CASQ2: variants seen among roughly 807,000 people sequenced by gnomAD.
The protein encoded by CASQ2 is calsequestrin 2.
A neutral mutation model predicts 46.5 loss-of-function variants in CASQ2; 49 were observed. That is an observed-to-expected ratio of 1.05 (90% confidence interval 0.84 to 1.34). CASQ2 has a LOEUF of 1.34. Among genes scored for constraint, CASQ2 ranks in the 40% most tolerant of loss-of-function variants. The probability of loss-of-function intolerance (pLI) is 0.00; values close to 1 mark genes in which losing one functional copy is unlikely to be tolerated. For synonymous variants in CASQ2, 174 were observed against 168.5 expected (o/e 1.03, Z -0.25); for missense variants, 486 against 481.3 (o/e 1.01, Z -0.09).
Position 115,757,604 on chromosome 1 carries a change from C to T in CASQ2, c.234+10704G>A, listed in dbSNP as rs140420353. ...CTCTTGGGGTTTGGAAATGCAACCA[C>T]CACTGGGATATTTGCCAGTGCTAAA... On this transcript the variant is annotated intron_variant, in intron 1 of 10. Coordinates refer to ENST00000261448, the MANE Select transcript of CASQ2 (RefSeq NM_001232.4). Among the ~76,000 whole-genome samples, 307 of 152,294 alleles carry T rather than the reference C, an allele frequency of 2.0e-3. 2 individuals carry two copies. Among genetic ancestry groups the T allele is most frequent in the South Asian group, 8.9e-3 (43 of 4,822 alleles).
chr1:115,723,321 C>CTATCTATCTA (rs1230245457), intron 7 of CASQ2, among the ~76,000 whole-genome samples: 1 of 151,780 alleles, frequency 6.6e-6, no homozygotes, highest in African/African-American at 2.4e-5. Flanking sequence ...ATCTATCTAT[C>CTATCTATCTA]TATCTATCTA....
chr1:115,743,703 T>C lies in CASQ2; in HGVS notation c.319+1125A>G, dbSNP rs7529016. Among the ~76,000 whole-genome samples, 1,350 of 136,350 alleles carry C rather than the reference T, an allele frequency of 9.9e-3. 19 individuals are homozygous for C. The highest frequency in any genetic ancestry group is 0.032 in the African/African-American group (1,254 of 39,348). 89.5% of individuals were successfully genotyped at this position (136,350 alleles called of 152,430 possible). ...CCACCACTAATCTTTTTTTTTTTTT[T>C]TCTGTACTTACTACTCCAAATCCAA... On this transcript the variant is annotated intron_variant, in intron 2 of 10. Transcript: ENST00000261448.
intron 1 of CASQ2, among the ~76,000 whole-genome samples, chr1:115,751,458 G>A (rs1040098481): frequency 6.6e-6 from 1 of 151,930 alleles, no homozygotes; most frequent in Non-Finnish European, 1.5e-5. Flanking sequence ...CACGAGGTCA[G>A]GAGATAGAGA....
intron 6 of CASQ2, among the ~76,000 whole-genome samples, chr1:115,725,863 C>T (rs539410508): frequency 1.3e-5 from 2 of 152,294 alleles, no homozygotes; most frequent in East Asian, 3.9e-4. Context: ...GATGCCATTT[C>T]CTTCCTCACA....
At chr1:115,736,707 T>C (rs1391584851) in intron 4 of CASQ2, among the ~76,000 whole-genome samples, 1 of 152,170 alleles carries the variant, frequency 6.6e-6, no homozygotes, top group Non-Finnish European at 1.5e-5. Context: ...TTGGAGGTTT[T>C]TTACAATGCA....
In CASQ2 at chr1:115,751,755, G is replaced by A. The variant is rs929946976; in HGVS notation, c.235-6843C>T. Among the ~76,000 whole-genome samples, 6 of 152,200 alleles carry A rather than the reference G, an allele frequency of 3.9e-5. No individual in the cohort carries two copies. The South Asian group carries it at 1.0e-3, about 26-fold the overall frequency. On this transcript the variant is annotated intron_variant, in intron 1 of 10. Coordinates refer to ENST00000261448, the MANE Select transcript of CASQ2 (RefSeq NM_001232.4). ...GGAGACTTAGAGAGTTTGTGGGCTG[G>A]GAGGTCAAATCCTGCAGAGCCCAGT...
intron 9 of CASQ2, among the ~76,000 whole-genome samples, chr1:115,703,239 G>C (rs1412099302): frequency 6.6e-6 from 1 of 152,226 alleles, no homozygotes; most frequent in Admixed American, 6.5e-5. Flanking sequence ...GAAAATTATA[G>C]AGGTGGTCTA....
In CASQ2 at chr1:115,768,590, G is replaced by C. The variant is rs763771500; in HGVS notation, c.-49C>G. 8.4e-7 allele frequency: 1 copy of C among 1,189,064 alleles called. No homozygotes were observed. 73.7% of individuals were successfully genotyped at this position (1,189,064 alleles called of 1,614,324 possible). ...TCCCAAATATGCTGTGTGCAGAATAGAGGACAGAAGACTGTTAGAGGCCTT... is the reference window on the plus strand; with the variant it reads ...TCCCAAATATGCTGTGTGCAGAATACAGGACAGAAGACTGTTAGAGGCCTT... On this transcript the variant is annotated 5_prime_UTR_variant, in exon 1 of 11. Transcript: ENST00000261448.
intron 3 of CASQ2, 125 bp from the exon 4 acceptor site, chr1:115,738,460 A>G: frequency 1.3e-6 from 1 of 747,152 alleles, no homozygotes; most frequent in Non-Finnish European, 2.4e-6. Flanking sequence ...TATCTATTCC[A>G]TTCTCCCCAC....
At chr1:115,738,464 T>C in intron 3 of CASQ2, 129 bp from the exon 4 acceptor site, 1 of 732,272 alleles carries the variant, frequency 1.4e-6, no homozygotes, top group Non-Finnish European at 2.5e-6. Context: ...TATTCCATTC[T>C]CCCCACAATC....
chr1:115,721,921 G>A (rs1647390501), intron 7 of CASQ2, among the ~76,000 whole-genome samples: 1 of 152,180 alleles, frequency 6.6e-6, no homozygotes, highest in African/African-American at 2.4e-5. Flanking sequence ...CCACATCTGT[G>A]GTTTAAGTTG....
At chr1:115,738,909 A>G (rs1648061898) in intron 3 of CASQ2, among the ~76,000 whole-genome samples, 1 of 144,854 alleles carries the variant, frequency 6.9e-6, no homozygotes, top group Non-Finnish European at 1.5e-5. Flanking sequence ...TGCTTTTGGC[A>G]ACTACTCTCT....
rs551088035 is a variant in CASQ2 at position 115,733,759 on chromosome 1, A to T, written c.533-785T>A. Among the ~76,000 whole-genome samples, 5 of 152,272 alleles carry T rather than the reference A, an allele frequency of 3.3e-5. No homozygotes were observed. The East Asian group carries it at 5.8e-4, about 18-fold the overall frequency. On this transcript the variant is annotated intron_variant, in intron 4 of 10. Transcript: ENST00000261448. ...TATGAATAAATGCTATAAGCCTGAG[A>T]GTCAATGAGCCTGTGATTTATTCTT...
At chr1:115,751,435 G>A (rs946520969) in intron 1 of CASQ2, among the ~76,000 whole-genome samples, 17 of 146,296 alleles carry the variant, frequency 1.2e-4, no homozygotes, top group African/African-American at 3.2e-4. Flanking sequence ...TTTGGGAGGC[G>A]AGGCAGGCGG....
chr1:115,731,697 T>C (rs958463559), intron 5 of CASQ2, among the ~76,000 whole-genome samples: 21 of 152,190 alleles, frequency 1.4e-4, no homozygotes, highest in Admixed American at 3.9e-4. Context: ...ATAGCAAGCT[T>C]CTCAATTCAG....
intron 5 of CASQ2, among the ~76,000 whole-genome samples, chr1:115,731,837 C>A (rs1647794008): frequency 6.6e-6 from 1 of 152,230 alleles, no homozygotes; most frequent in Admixed American, 6.5e-5. Context: ...ATGTTAACTT[C>A]TTAGCACACA....
chr1:115,768,343 G>A lies in CASQ2; in HGVS notation c.199C>T (p.Gln67Ter). ...ATTTCTTTCAGTTGGAACTGTTTTTGCGTGACCTTATCTGAAGACACCGGC... is the reference window on the plus strand; with the variant it reads ...ATTTCTTTCAGTTGGAACTGTTTTTACGTGACCTTATCTGAAGACACCGGC... Reference protein sequence around the residue: ...HEPVSSDKVTQKQFQLKEIVL... With the variant: ...HEPVSSDKVT Residue 67 changes from glutamine to a stop codon, truncating the protein, a stop_gained, in exon 1 of 11, where the codon CAA (glutamine) becomes TAA (stop). Transcript: ENST00000261448. LOFTEE classifies it high-confidence loss of function. 1 of 1,613,732 alleles carries A rather than the reference G, an allele frequency of 6.2e-7. No homozygotes were observed. Among genetic ancestry groups the A allele is most frequent in the Non-Finnish European group, 8.5e-7 (1 of 1,179,702 alleles).
chr1:115,765,665 G>A (rs1299885677), intron 1 of CASQ2, among the ~76,000 whole-genome samples: 1 of 152,144 alleles, frequency 6.6e-6, no homozygotes, highest in African/African-American at 2.4e-5. Context: ...TGGTGTGTGT[G>A]TGTGTCTGTG....
chr1:115,742,309 A>G (rs1051891782), intron 2 of CASQ2, among the ~76,000 whole-genome samples: 5 of 152,160 alleles, frequency 3.3e-5, no homozygotes, highest in African/African-American at 1.2e-4. Context: ...ATGATGGCCA[A>G]TCTCAAAAGG....
Sources: gnomAD v4.1 joint callset for allele counts (sites outside exome capture counted in the v4.1 genomes callset) on GRCh38, gnomAD v4.1.1 for gene constraint, MANE v1.5 for transcripts, NCBI Gene and HGNC (gene_info 2026-07-23, HGNC 2026-07-21) for gene names.